CNTN4: variants seen among roughly 807,000 people sequenced by gnomAD.
The protein encoded by CNTN4 is contactin 4.
CNTN4 carries 77 observed loss-of-function variants against 122.5 expected under a neutral mutation model. The observed-to-expected ratio is 0.63, with a 90% CI of 0.52 to 0.76. CNTN4 has a LOEUF of 0.76. Among genes scored for constraint, CNTN4 ranks in the 30% least tolerant of loss-of-function variants. The pLI, the probability that CNTN4 is intolerant of heterozygous loss-of-function variation, is 0.00. For synonymous variants in CNTN4, 512 were observed against 447.0 expected, an observed-to-expected ratio of 1.15 and a Z score of -1.83; for missense variants, 1,256 against 1,259.1, an observed-to-expected ratio of 1.00 and a Z score of 0.04.
At position 2,978,824 on chromosome 3, in the gene CNTN4, C is replaced by T. The variant is rs142699973; in HGVS notation, c.1359-9521C>T. ...GGCCTCCTGTGACAGCTCTGCCATC[C>T]TCCCCTCTGCCATCCTCCCAGTTTG... is the stretch of plus-strand genomic sequence containing the variant. On this transcript the variant is annotated intron_variant, in intron 13 of 24. Coordinates refer to ENST00000418658, the MANE Select transcript of CNTN4 (RefSeq NM_175607.3). Among the ~76,000 whole-genome samples the T allele has an allele frequency of 2.9e-3, 442 of 152,236 alleles. 5 individuals carry two copies. The highest frequency in any genetic ancestry group is 0.01 in the African/African-American group (425 of 41,536).
chr3:2,993,256 C>T (rs1460715173), intron 14 of CNTN4, among the ~76,000 whole-genome samples: 1 of 151,676 alleles, frequency 6.6e-6, no homozygotes, highest in East Asian at 1.9e-4. Context: ...GTTGCTCTTG[C>T]CTTACAACAG....
intron 3 of CNTN4, among the ~76,000 whole-genome samples, chr3:2,563,746 A>G (rs2079048563): frequency 6.6e-6 from 1 of 152,182 alleles, no homozygotes; most frequent in Non-Finnish European, 1.5e-5. Flanking sequence ...TGAAGTGTTA[A>G]GTATCTATAT....
At chr3:2,876,906 A>G (rs2093851029) in intron 8 of CNTN4, among the ~76,000 whole-genome samples, 1 of 152,162 alleles carries the variant, frequency 6.6e-6, no homozygotes, top group Non-Finnish European at 1.5e-5. Context: ...GCTTTTGCTC[A>G]TAGTTAGGAA....
chr3:2,562,992 T>A (rs1002216288), intron 3 of CNTN4, among the ~76,000 whole-genome samples: 2 of 152,098 alleles, frequency 1.3e-5, no homozygotes. Context: ...CTTCCCAAAG[T>A]GCTGGGATTA....
chr3:2,466,970 C>CTTTTTTTTTTTTTTTTTTTTTT (rs60879017), intron 3 of CNTN4, among the ~76,000 whole-genome samples: 15 of 115,812 alleles, frequency 1.3e-4, no homozygotes, highest in East Asian at 2.5e-4. Flanking sequence ...TTCTTTCTTT[C>CTTTTTTTTTTTTTTTTTTTTTT]TTTTTTTTTT....
In CNTN4 at chr3:2,267,935, G is replaced by T. The variant is rs1405799253; in HGVS notation, c.-144-71243G>T. Among the ~76,000 whole-genome samples the T allele has an allele frequency of 2.0e-5, 3 of 151,966 alleles. No homozygotes were observed. In the East Asian group the frequency reaches 5.8e-4, roughly 29 times the overall value. On this transcript the variant is annotated intron_variant, in intron 2 of 24. Coordinates refer to ENST00000418658, the MANE Select transcript of CNTN4 (RefSeq NM_175607.3). ...GGAACCTGTTGACTTTTACGCTAGA[G>T]TTATAGTGATGGAGGTAATGAGAAG...
intron 13 of CNTN4, among the ~76,000 whole-genome samples, chr3:2,984,544 G>C (rs1694375463): frequency 6.6e-6 from 1 of 152,212 alleles, no homozygotes; most frequent in South Asian, 2.1e-4. Flanking sequence ...CTCTGTCTCA[G>C]AGCTTGCATA....
chr3:2,669,459 G>A (rs1305772109), intron 4 of CNTN4, among the ~76,000 whole-genome samples: 2 of 152,102 alleles, frequency 1.3e-5, no homozygotes, highest in African/African-American at 2.4e-5. Context: ...ATTTTTTATT[G>A]CATCTATTTG....
At chr3:2,999,570 C>A (rs923903052) in intron 14 of CNTN4, among the ~76,000 whole-genome samples, 3 of 152,002 alleles carry the variant, frequency 2.0e-5, no homozygotes, top group East Asian at 3.9e-4. Context: ...CTAGATGGCA[C>A]CTTGAATACT....
intron 3 of CNTN4, among the ~76,000 whole-genome samples, chr3:2,543,541 T>C (rs2078115533): frequency 6.6e-6 from 1 of 152,066 alleles, no homozygotes; most frequent in Non-Finnish European, 1.5e-5. Context: ...GGAGATACCA[T>C]AGGCCAACTG....
In CNTN4 at chr3:2,475,387, G is replaced by GT. The variant is rs1191504233; in HGVS notation, c.-88-96029_-88-96028insT. On this transcript the variant is annotated intron_variant, in intron 3 of 24. Coordinates refer to ENST00000418658, the MANE Select transcript of CNTN4 (RefSeq NM_175607.3). ...AGGTGTTCTTACTCAAGAGGGTAAG[G>GT]ATATGACATTAGTGTCACATCACTC... is the stretch of plus-strand genomic sequence containing the variant. 1.2e-4 allele frequency among the ~76,000 whole-genome samples: 18 copies of GT among 152,250 alleles called. 1 individual carries two copies. The South Asian group carries it at 1.2e-3, about 11-fold the overall frequency.
intron 3 of CNTN4, among the ~76,000 whole-genome samples, chr3:2,450,649 A>T (rs1195638890): frequency 6.6e-6 from 1 of 152,160 alleles, no homozygotes; most frequent in Non-Finnish European, 1.5e-5. Context: ...CTAAGGAGCC[A>T]AATGCCACTC....
At chr3:2,120,967 T>G in intron 2 of CNTN4, among the ~76,000 whole-genome samples, 1 of 152,096 alleles carries the variant, frequency 6.6e-6, no homozygotes, top group Admixed American at 6.6e-5. Context: ...AAACTGAGAA[T>G]CAGAGAGAGT....
At chr3:2,284,690 G>C (rs1228063092) in intron 2 of CNTN4, among the ~76,000 whole-genome samples, 1 of 151,520 alleles carries the variant, frequency 6.6e-6, no homozygotes, top group African/African-American at 2.4e-5. Context: ...TATTAAAATG[G>C]GCTAGCATCA....
chr3:2,241,530 T>A (rs1431005708), intron 2 of CNTN4, among the ~76,000 whole-genome samples: 1 of 152,192 alleles, frequency 6.6e-6, no homozygotes, highest in African/African-American at 2.4e-5. Context: ...CTGCCAAAGC[T>A]GTGTTTGGCT....
chr3:2,810,321 G>C (rs1401011388), intron 6 of CNTN4, among the ~76,000 whole-genome samples: 3 of 152,190 alleles, frequency 2.0e-5, no homozygotes, highest in Non-Finnish European at 1.5e-5. Context: ...CTTCCAAATA[G>C]ATAATATTTA....
At chr3:2,217,979 C>T (rs999661598) in intron 2 of CNTN4, among the ~76,000 whole-genome samples, 63 of 152,080 alleles carry the variant, frequency 4.1e-4, no homozygotes, top group African/African-American at 3.6e-4. Context: ...AGATAAATAA[C>T]GAAATTTGTG....
intron 2 of CNTN4, among the ~76,000 whole-genome samples, chr3:2,270,011 G>A (rs187053985): frequency 0.025 from 1,735 of 70,552 alleles, 582 homozygotes; most frequent in Non-Finnish European, 0.041. Context: ...CTGCAGTGGC[G>A]CAATCTCGGC....
chr3:2,307,120 T>C (rs2042737751), intron 2 of CNTN4, among the ~76,000 whole-genome samples: 1 of 152,138 alleles, frequency 6.6e-6, no homozygotes, highest in Non-Finnish European at 1.5e-5. Flanking sequence ...TTGTCCTAGT[T>C]AGGACCTCCA....
Sources: allele counts gnomAD v4.1 joint callset (sites outside exome capture counted in the v4.1 genomes callset), GRCh38; gene constraint gnomAD v4.1.1; transcripts MANE v1.5; gene names NCBI Gene and HGNC (gene_info 2026-07-23, HGNC 2026-07-21).